The following KLF8 variants were observed in gnomAD, a reference collection of about 807,000 sequenced individuals.
The protein encoded by KLF8 is KLF transcription factor 8.
A neutral mutation model predicts 18.2 loss-of-function variants in KLF8; 10 were observed. The observed-to-expected ratio is 0.55, with a 90% CI of 0.34 to 0.93. The LOEUF is 0.93. KLF8 is among the 40% of genes least tolerant of loss of function. KLF8 has a pLI of 0.02. For synonymous variants in KLF8, 109 were observed against 97.3 expected, an observed-to-expected ratio of 1.12 and a Z score of -0.71; for missense variants, 264 against 277.9, an observed-to-expected ratio of 0.95 and a Z score of 0.36.
chrX:55,948,911 C>T, the KLF8 span, among the ~76,000 whole-genome samples: 2 of 112,274 alleles, frequency 1.8e-5, no homozygotes, highest in Non-Finnish European at 3.8e-5. Context: ...ACTCCACAGG[C>T]ATTATCTGTT....
chrX:56,212,173 A>G, the KLF8 span, among the ~76,000 whole-genome samples: 1 of 111,215 alleles, frequency 9.0e-6, no homozygotes, highest in Non-Finnish European at 1.9e-5. Flanking sequence ...TGCTGTGGCT[A>G]AGCTGGTACC....
chrX:56,232,279 C>T (rs1383685558), upstream of KLF8: 1 of 111,585 alleles, frequency 9.0e-6, no homozygotes, highest in Non-Finnish European at 1.9e-5. Context: ...GAGGCCAGCT[C>T]TGTCGGCCCA....
chrX:56,193,027 G>T, the KLF8 span, among the ~76,000 whole-genome samples: 19 of 112,250 alleles, frequency 1.7e-4, no homozygotes, highest in East Asian at 5.1e-3. Context: ...ACAAAGTGAA[G>T]AAACGACCCA....
chrX:56,050,432 G>A, the KLF8 span, among the ~76,000 whole-genome samples: 1 of 112,075 alleles, frequency 8.9e-6, no homozygotes, highest in Non-Finnish European at 1.9e-5. Flanking sequence ...TCTACACACT[G>A]CTTTGAATGT....
the KLF8 span, among the ~76,000 whole-genome samples, chrX:56,098,191 C>T: frequency 4.5e-5 from 5 of 112,008 alleles, no homozygotes; most frequent in Non-Finnish European, 5.6e-5. Context: ...TCACCTTCTG[C>T]TATGAATGGA....
At chrX:55,934,927 G>T in the KLF8 span, among the ~76,000 whole-genome samples, 17 of 111,377 alleles carry the variant, frequency 1.5e-4, no homozygotes, top group Non-Finnish European at 2.6e-4. Flanking sequence ...TGGAGTTAGG[G>T]TTAAATCCAA....
At chrX:55,942,275 C>T in the KLF8 span, among the ~76,000 whole-genome samples, 1 of 110,435 alleles carries the variant, frequency 9.1e-6, no homozygotes, top group Non-Finnish European at 1.9e-5. Context: ...GGACAAAAAA[C>T]CAAACACCGC....
the KLF8 span, among the ~76,000 whole-genome samples, chrX:55,983,991 A>G: frequency 9.1e-6 from 1 of 109,338 alleles, no homozygotes; most frequent in Non-Finnish European, 1.9e-5. Flanking sequence ...ATTCTATGGT[A>G]TATGTGTATA....
chrX:56,215,422 A>C, the KLF8 span, among the ~76,000 whole-genome samples: 1 of 111,342 alleles, frequency 9.0e-6, no homozygotes, highest in South Asian at 3.8e-4. Context: ...GGCTCAGAAA[A>C]GTGTGTTTAT....
chrX:56,001,691 G>A, the KLF8 span, among the ~76,000 whole-genome samples: 3 of 111,844 alleles, frequency 2.7e-5, no homozygotes, highest in East Asian at 8.4e-4. Flanking sequence ...TCATAGTCAT[G>A]CCTCAGCTCT....
the KLF8 span, among the ~76,000 whole-genome samples, chrX:55,938,932 T>C: frequency 8.9e-6 from 1 of 111,762 alleles, no homozygotes; most frequent in Non-Finnish European, 1.9e-5. Flanking sequence ...AGTGTGTCAC[T>C]TTAACACCCC....
At chrX:56,211,119 A>T in the KLF8 span, among the ~76,000 whole-genome samples, 1 of 111,431 alleles carries the variant, frequency 9.0e-6, no homozygotes, top group South Asian at 3.8e-4. Context: ...TGCATTGAAG[A>T]GTTAGGTATT....
chrX:56,161,054 T>C, the KLF8 span, among the ~76,000 whole-genome samples: 2 of 111,665 alleles, frequency 1.8e-5, no homozygotes, highest in African/African-American at 6.5e-5. Context: ...TTTTTAGTGC[T>C]TCCTTCAGGA....
the KLF8 span, among the ~76,000 whole-genome samples, chrX:55,990,984 A>G: frequency 8.9e-6 from 1 of 112,270 alleles, no homozygotes; most frequent in African/African-American, 3.2e-5. Context: ...CCATTCTCAG[A>G]TCTCCAGCTG....
At chrX:55,934,542 A>T in the KLF8 span, among the ~76,000 whole-genome samples, 2 of 112,224 alleles carry the variant, frequency 1.8e-5, no homozygotes, top group Non-Finnish European at 3.8e-5. Context: ...AGTGAAAGTT[A>T]TTCCATTGAA....
the KLF8 span, among the ~76,000 whole-genome samples, chrX:55,985,934 C>T: frequency 9.1e-6 from 1 of 110,380 alleles, no homozygotes; most frequent in African/African-American, 3.3e-5. Context: ...TCTCTGCTTG[C>T]GTGTTGTTGG....
the KLF8 span, among the ~76,000 whole-genome samples, chrX:56,038,341 T>C: frequency 8.9e-6 from 1 of 111,890 alleles, no homozygotes; most frequent in South Asian, 3.7e-4. Flanking sequence ...AAGCCCAGCA[T>C]CCATTAGCTA....
At chrX:56,194,839 C>T in the KLF8 span, among the ~76,000 whole-genome samples, 2 of 112,146 alleles carry the variant, frequency 1.8e-5, no homozygotes, top group East Asian at 5.7e-4. Context: ...GCAGCTACCC[C>T]TCTGGGACAA....
At chrX:56,079,360 T>G in the KLF8 span, among the ~76,000 whole-genome samples, 3 of 111,268 alleles carry the variant, frequency 2.7e-5, no homozygotes, top group African/African-American at 9.8e-5. Flanking sequence ...CTCGTTGGTT[T>G]CAAAGAACAT....
Sources: allele counts gnomAD v4.1 joint callset (sites outside exome capture counted in the v4.1 genomes callset), GRCh38; gene constraint gnomAD v4.1.1; transcripts MANE v1.5; gene names NCBI Gene and HGNC (gene_info 2026-07-23, HGNC 2026-07-21).